Variants in NSMF observed in about 807,000 individuals in gnomAD.
NSMF encodes the protein nasal embryonic LHRH factor.
In NSMF, 31 loss-of-function variants were observed where a neutral mutation model predicts 71.0. That is an observed-to-expected ratio of 0.44 (90% CI 0.33 to 0.59). The LOEUF is 0.59. Ranked by LOEUF, NSMF falls within the 20% of genes least tolerant of loss-of-function variation. The pLI is 0.04. For missense variants in NSMF, 673 were observed against 740.5 expected, an observed-to-expected ratio of 0.91 and a Z score of 1.06; for synonymous variants, 345 against 287.1, an observed-to-expected ratio of 1.20 and a Z score of -2.04.
chr9:137,453,550 C>A lies in NSMF; in HGVS notation c.922+181G>T. The A allele has an allele frequency of 1.6e-6, 1 of 620,046 alleles. No homozygotes were observed. Among genetic ancestry groups the A allele is most frequent in the Non-Finnish European group, 2.8e-6 (1 of 357,372 alleles). The allele number at this position is 620,046 out of a possible 1,614,324, so 38.4% of individuals were successfully genotyped here. On this transcript the variant is annotated intron_variant, in intron 8 of 15. Transcript: ENST00000371475. The surrounding 1 kb of genome is among the most constrained non-coding windows in gnomAD (Gnocchi z 4.5). ...CGCCCCCGGCCAGCACTGCCGCGGC[C>A]GTTGTTAGCCCCGCCTTTGCGATCG... is the stretch of plus-strand genomic sequence containing the variant.
At chr9:137,457,293 G>T in intron 3 of NSMF, 114 bp downstream of exon 3, 2 of 1,444,550 alleles carry the variant, frequency 1.4e-6, no homozygotes, top group Non-Finnish European at 1.9e-6. Context: ...CCGCTGGCAT[G>T]CTGTGACCTG....
At chr9:137,454,076 G>A (rs1468023112) in intron 7 of NSMF, among the ~76,000 whole-genome samples, 1 of 139,956 alleles carries the variant, frequency 7.1e-6, no homozygotes, top group Non-Finnish European at 1.6e-5. Flanking sequence ...TGGGAGGGGA[G>A]GAGCCTGGGC....
intron 7 of NSMF, among the ~76,000 whole-genome samples, 197 bp from the exon 8 acceptor site, chr9:137,454,017 G>C (rs1040411953): frequency 7.2e-5 from 11 of 151,822 alleles, no homozygotes; most frequent in Non-Finnish European, 1.6e-4. Context: ...GGCAGGGCCA[G>C]AGGCGGAGTC....
chr9:137,452,959 G>A (rs895975433), intron 9 of NSMF, 97 bp downstream of exon 9: 4 of 1,586,876 alleles, frequency 2.5e-6, no homozygotes, highest in South Asian at 1.1e-5. Flanking sequence ...CAGGCAGCTG[G>A]AGAAGGCTGC....
chr9:137,452,467 C>T, intron 11 of NSMF, 32 bp from the exon 12 acceptor site: 1 of 1,612,188 alleles, frequency 6.2e-7, no homozygotes, highest in South Asian at 1.1e-5. Context: ...TGCTGCGGCC[C>T]CCACCCCAGC....
chr9:137,459,007 G>C, intron 1 of NSMF, 25 bp downstream of exon 1: 1 of 1,273,274 alleles, frequency 7.9e-7, no homozygotes, highest in Non-Finnish European at 9.9e-7. Flanking sequence ...GGCGGGGTGC[G>C]GGAAGGCGGC....
chr9:137,454,992 G>T, intron 6 of NSMF: 1 of 719,224 alleles, frequency 1.4e-6, no homozygotes, highest in Non-Finnish European at 2.6e-6. Context: ...GAGTGGGGGA[G>T]GGGGGCCTTG....
chr9:137,456,553 T>C (rs1830848143), intron 3 of NSMF, 67 bp from the exon 4 acceptor site: 2 of 1,066,172 alleles, frequency 1.9e-6, no homozygotes, highest in Admixed American at 1.7e-5. Flanking sequence ...CCCTCCCTGT[T>C]GGGAAGCAGA....
chr9:137,457,361 G>A (rs1342458976), intron 3 of NSMF, 46 bp downstream of exon 3: 10 of 1,611,400 alleles, frequency 6.2e-6, no homozygotes, highest in South Asian at 1.1e-5. Context: ...CCCTGGCAGC[G>A]GCATGCACCC....
At chr9:137,455,422 C>CACGGGGCCCGGG in intron 5 of NSMF, 115 bp from the exon 6 acceptor site, 2 of 1,242,784 alleles carry the variant, frequency 1.6e-6, no homozygotes, top group Non-Finnish European at 2.3e-6. Context: ...CGGGGCCCGG[C>CACGGGGCCCGGG]AGAGGAGTCC....
At chr9:137,455,702 TCAGCCCC>T in intron 4 of NSMF, 68 bp from the exon 5 acceptor site, 1 of 1,528,754 alleles carries the variant, frequency 6.5e-7, no homozygotes. Flanking sequence ...GGGCCTCCCC[TCAGCCCC>T]CACCCGGTCC....
chr9:137,449,758 TCTTTTTTCAGAC>T (rs1404982759), intron 14 of NSMF, 84 bp from the exon 15 acceptor site: 49 of 1,383,786 alleles, frequency 3.5e-5, no homozygotes, highest in Middle Eastern at 3.6e-4. Flanking sequence ...GGGCCCACCC[TCTTTTTTCAGAC>T]CCCCCAAACC....
At position 137,458,559 on chromosome 9, in the gene NSMF, G is replaced by C; in HGVS notation, c.72-10C>G. 1 of 1,591,052 alleles carries C rather than the reference G, an allele frequency of 6.3e-7. No homozygotes were observed. The highest frequency in any genetic ancestry group is 1.1e-5 in the South Asian group (1 of 88,208). On this transcript the variant is annotated splice_polypyrimidine_tract_variant and intron_variant, in intron 1 of 15. Transcript: ENST00000371475. ...AAACGCTCGGGCTGCTCTGAGGGTGGACAGAGGGCACGGTCAGAGGCCACG... is the reference window on the plus strand; with the variant it reads ...AAACGCTCGGGCTGCTCTGAGGGTGCACAGAGGGCACGGTCAGAGGCCACG...
rs748217481 is a variant in NSMF at position 137,453,136 on chromosome 9, C to T, written c.967G>A (p.Glu323Lys). Residue 323 changes from glutamate to lysine, a missense_variant, in exon 9 of 16, where the codon GAG becomes AAG. This residue lies in a region of NSMF where 202 missense variants were observed against 280.8 expected (regional missense o/e 0.72). Coordinates refer to ENST00000371475, the MANE Select transcript of NSMF (RefSeq NM_001130969.3). This position sits in a 1 kb window ranked among gnomAD's most constrained non-coding sequence, Gnocchi z 4.5. Reference sequence around the variant, plus strand: ...TTCTCAGTGTCCCAGTCCAGGTCCTCGAAGGCCTCGTCCAGCGTGCAGTGG... The same window carrying T: ...TTCTCAGTGTCCCAGTCCAGGTCCTTGAAGGCCTCGTCCAGCGTGCAGTGG... ...SSHCTLDEAFEDLDWDTEKGL... is the reference protein window; with the variant it reads ...SSHCTLDEAFKDLDWDTEKGL... 33 of 1,612,550 alleles carry T rather than the reference C, an allele frequency of 2.0e-5. No individual in the cohort carries two copies. The highest frequency in any genetic ancestry group is 1.6e-4 in the Middle Eastern group (1 of 6,084).
intron 12 of NSMF, among the ~76,000 whole-genome samples, chr9:137,452,091 C>G (rs1830559670): frequency 1.4e-5 from 1 of 72,182 alleles, no homozygotes; most frequent in Non-Finnish European, 2.7e-5. Flanking sequence ...CCCCCAGCCA[C>G]ACCTCTTCCC....
chr9:137,455,773 C>A, intron 4 of NSMF, 139 bp from the exon 5 acceptor site: 1 of 919,822 alleles, frequency 1.1e-6, no homozygotes, highest in Non-Finnish European at 1.7e-6. Flanking sequence ...GTAACCCAGC[C>A]ACCAGCAGGA....
In NSMF at chr9:137,454,385, T is replaced by C. The variant is rs1456151276; in HGVS notation, c.832+6A>G. The C allele has an allele frequency of 6.5e-7, 1 of 1,548,158 alleles. No homozygotes were observed. Among genetic ancestry groups the C allele is most frequent in the Non-Finnish European group, 8.7e-7 (1 of 1,146,196 alleles). ...GCCCCCCCACCCCCGCCGCACGGGG[T>C]CTTACTCTGGGCCTTCACCCTCCGG... On this transcript the variant is annotated splice_donor_region_variant and intron_variant, in intron 7 of 15. Coordinates refer to ENST00000371475, the MANE Select transcript of NSMF (RefSeq NM_001130969.3).
chr9:137,450,096 A>G, intron 13 of NSMF, 71 bp from the exon 14 acceptor site: 1 of 1,579,826 alleles, frequency 6.3e-7, no homozygotes, highest in Non-Finnish European at 8.7e-7. Flanking sequence ...ACCGTGGAGG[A>G]GGGGCTGTGG....
intron 4 of NSMF, 95 bp from the exon 5 acceptor site, chr9:137,455,729 C>G (rs1830800907): frequency 1.4e-6 from 2 of 1,386,868 alleles, no homozygotes; most frequent in Middle Eastern, 1.9e-4. Context: ...CCTACAGTTC[C>G]CTTCTTGTCA....
Sources: allele counts gnomAD v4.1 joint callset (sites outside exome capture counted in the v4.1 genomes callset), GRCh38; gene constraint gnomAD v4.1.1; regional missense constraint gnomAD v4.1.1; non-coding constraint Gnocchi (gnomAD v3.1); transcripts MANE v1.5; gene names NCBI Gene and HGNC (gene_info 2026-07-23, HGNC 2026-07-21).